Variants in AGBL4 observed in about 807,000 individuals in gnomAD.
The protein encoded by AGBL4 is AGBL carboxypeptidase 4.
Under a neutral mutation model 66.4 loss-of-function variants are expected in AGBL4, and 58 were observed. The observed-to-expected ratio is 0.87, with a 90% CI of 0.71 to 1.09. The LOEUF (loss-of-function observed/expected upper bound fraction) is 1.09, where lower values mean the gene tolerates loss of function less well. AGBL4 is among the 50% of genes least tolerant of loss of function. The pLI is 0.00. For synonymous variants in AGBL4, 234 were observed against 222.9 expected (o/e 1.05, Z -0.44); for missense variants, 579 against 631.0 (o/e 0.92, Z 0.88).
rs113792123 is a variant in AGBL4, at chr1:48,570,267, C to T, written c.1267+16737G>A. ...TTTAGGCCAGGTAGAAACTCTCAGT[C>T]ACTCAGAAGAAAACCAAAGCAGAGT... is the stretch of plus-strand genomic sequence containing the variant. On this transcript the variant is annotated intron_variant, in intron 11 of 13. Transcript: ENST00000371839. Among the ~76,000 whole-genome samples the T allele has an allele frequency of 5.9e-3, 892 of 152,318 alleles. 12 individuals carry two copies. The highest frequency in any genetic ancestry group is 0.036 in the South Asian group (176 of 4,832).
At position 49,508,693 on chromosome 1, in the gene AGBL4, C is replaced by A. The variant is rs138127995; in HGVS notation, c.282+188620G>T. ...ATGCAACCTTAGGCAAATTACTTAT[C>A]CTCTTAGACCTAAGTTTCTTAATTT... is the stretch of plus-strand genomic sequence containing the variant. On this transcript the variant is annotated intron_variant, in intron 3 of 13. Transcript: ENST00000371839. Among the ~76,000 whole-genome samples, 6 of 151,978 alleles carry A rather than the reference C, an allele frequency of 3.9e-5. No individual in the cohort carries two copies. The East Asian group carries it at 1.2e-3, about 29-fold the overall frequency.
At position 49,096,522 on chromosome 1, in the gene AGBL4, A is replaced by T. The variant is rs571908369; in HGVS notation, c.378-50722T>A. ...TACTATGCAGCCATAAAAAATGATG[A>T]GTTCATGTCCTTTGTAGGGACATGG... On this transcript the variant is annotated intron_variant, in intron 4 of 13. Coordinates refer to ENST00000371839, the MANE Select transcript of AGBL4 (RefSeq NM_032785.4). Among the ~76,000 whole-genome samples the T allele has an allele frequency of 5.4e-3, 823 of 152,030 alleles. 4 individuals are homozygous for T. Among genetic ancestry groups the T allele is most frequent in the Middle Eastern group, 0.027 (8 of 294 alleles).
At chr1:48,627,868 C>G (rs1475875578) in intron 9 of AGBL4, among the ~76,000 whole-genome samples, 1 of 152,138 alleles carries the variant, frequency 6.6e-6, no homozygotes, top group Non-Finnish European at 1.5e-5. Context: ...ATTCACCTCC[C>G]CAGACAGACC....
intron 3 of AGBL4, among the ~76,000 whole-genome samples, chr1:49,591,296 C>G (rs920614084): frequency 6.6e-6 from 1 of 151,144 alleles, no homozygotes; most frequent in African/African-American, 2.4e-5. Context: ...AAAGGGAAGA[C>G]ACAAATTATC....
chr1:49,949,058 C>T (rs530355684), intron 1 of AGBL4, among the ~76,000 whole-genome samples: 69 of 151,542 alleles, frequency 4.6e-4, no homozygotes, highest in African/African-American at 1.2e-3. Flanking sequence ...CTTACAGGAT[C>T]TTTGACAAAG....
intron 3 of AGBL4, among the ~76,000 whole-genome samples, chr1:49,352,503 C>G (rs1181372783): frequency 6.7e-6 from 1 of 149,846 alleles, no homozygotes; most frequent in Non-Finnish European, 1.5e-5. Flanking sequence ...CAGAGAATAT[C>G]AGCTCCCAGC....
intron 6 of AGBL4, among the ~76,000 whole-genome samples, chr1:48,691,811 C>G (rs1646638094): frequency 6.6e-6 from 1 of 152,186 alleles, no homozygotes; most frequent in African/African-American, 2.4e-5. Flanking sequence ...CTGCTCCTCT[C>G]AGAATACCAG....
At chr1:49,465,436 G>T (rs1351991905) in intron 3 of AGBL4, among the ~76,000 whole-genome samples, 1 of 151,658 alleles carries the variant, frequency 6.6e-6, no homozygotes, top group African/African-American at 2.4e-5. Context: ...AGACTACTGT[G>T]GGGCTCACAG....
intron 3 of AGBL4, among the ~76,000 whole-genome samples, chr1:49,397,697 C>G (rs968288530): frequency 6.6e-6 from 1 of 152,172 alleles, no homozygotes; most frequent in Non-Finnish European, 1.5e-5. Flanking sequence ...ATTTCACCTT[C>G]TCCCTTATAC....
At chr1:49,976,834 T>A (rs1557633918) in intron 1 of AGBL4, among the ~76,000 whole-genome samples, 1 of 152,210 alleles carries the variant, frequency 6.6e-6, no homozygotes, top group Non-Finnish European at 1.5e-5. Context: ...TTCAACCATT[T>A]CTGACTTTAG....
intron 6 of AGBL4, among the ~76,000 whole-genome samples, chr1:48,789,443 C>T (rs1338281857): frequency 2.0e-5 from 3 of 152,066 alleles, no homozygotes; most frequent in Admixed American, 1.3e-4. Flanking sequence ...CGCCCGCCAC[C>T]ACGCTTGGCT....
intron 6 of AGBL4, among the ~76,000 whole-genome samples, chr1:48,795,784 C>G (rs998211404): frequency 1.6e-4 from 24 of 152,192 alleles, no homozygotes; most frequent in African/African-American, 5.3e-4. Context: ...TCCCAAGTAG[C>G]TGGGATTATA....
At chr1:48,683,493 A>AC (rs1646485942) in intron 6 of AGBL4, among the ~76,000 whole-genome samples, 1 of 152,180 alleles carries the variant, frequency 6.6e-6, no homozygotes, top group South Asian at 2.1e-4. Flanking sequence ...TCTAGCTTCT[A>AC]CCCGCCATCC....
intron 3 of AGBL4, among the ~76,000 whole-genome samples, chr1:49,535,984 C>A (rs1297554003): frequency 6.6e-6 from 1 of 152,192 alleles, no homozygotes; most frequent in African/African-American, 2.4e-5. Flanking sequence ...AGCCACCGTG[C>A]CCCAGTGAAA....
intron 9 of AGBL4, among the ~76,000 whole-genome samples, chr1:48,619,554 T>C (rs1191615302): frequency 6.6e-6 from 1 of 152,174 alleles, no homozygotes; most frequent in Non-Finnish European, 1.5e-5. Context: ...CCTGCTTTCA[T>C]TCACCCCACC....
chr1:50,012,403 C>G (rs1196258207), intron 1 of AGBL4, among the ~76,000 whole-genome samples: 2 of 152,078 alleles, frequency 1.3e-5, no homozygotes, highest in African/African-American at 4.8e-5. Flanking sequence ...ATAACCCATT[C>G]TCCTTGATGT....
intron 4 of AGBL4, among the ~76,000 whole-genome samples, chr1:49,129,462 C>G (rs1645839567): frequency 6.6e-6 from 1 of 150,598 alleles, no homozygotes; most frequent in Non-Finnish European, 1.5e-5. Flanking sequence ...ATCCCTCCCA[C>G]CTCCCCCAAC....
chr1:49,846,137 C>T, intron 2 of AGBL4: 1 of 1,471,434 alleles, frequency 6.8e-7, no homozygotes. Context: ...CCAGAGGATT[C>T]ATACCAAGGA....
rs373220591 is a variant in AGBL4, at chr1:49,350,273, G to A, written c.283-104409C>T. On this transcript the variant is annotated intron_variant, in intron 3 of 13. Transcript: ENST00000371839. The stretch of plus-strand genomic sequence containing the variant: ...GGCTGGAGTGCAGTGGCGGGATCTC[G>A]GCTCACTGCAAGCTCCGCCTCCCGG... 3.3e-4 allele frequency among the ~76,000 whole-genome samples: 49 copies of A among 147,340 alleles called. 1 individual carries two copies. The South Asian group carries it at 9.3e-3, about 28-fold the overall frequency.
Sources: allele counts gnomAD v4.1 joint callset (sites outside exome capture counted in the v4.1 genomes callset), GRCh38; gene constraint gnomAD v4.1.1; transcripts MANE v1.5; gene names NCBI Gene and HGNC (gene_info 2026-07-23, HGNC 2026-07-21).